The following ALMS1 variants were observed in gnomAD, a reference collection of about 807,000 sequenced individuals.
ALMS1 encodes centrosome-associated protein ALMS1.
ALMS1 carries 271 observed loss-of-function variants against 352.2 expected under a neutral mutation model. That is an observed-to-expected ratio of 0.77 (90% CI 0.70 to 0.85). The LOEUF (loss-of-function observed/expected upper bound fraction) is 0.85. Ranked by LOEUF, ALMS1 falls within the 40% of genes least tolerant of loss-of-function variation. The pLI, the probability that ALMS1 is intolerant of heterozygous loss-of-function variation, is 0.00. For missense variants in ALMS1, 5,445 were observed against 4,870.7 expected (o/e 1.12, Z -3.51); for synonymous variants, 1,865 against 1,761.2 (o/e 1.06, Z -1.48).
At chr2:73,506,272 C>A (rs1010699052) in intron 10 of ALMS1, among the ~76,000 whole-genome samples, 1 of 152,134 alleles carries the variant, frequency 6.6e-6, no homozygotes, top group African/African-American at 2.4e-5. Context: ...GCTATACGGG[C>A]TCTTTTTTGG....
intron 9 of ALMS1, among the ~76,000 whole-genome samples, chr2:73,474,397 G>GTT (rs1435955838): frequency 4.9e-4 from 33 of 67,414 alleles, no homozygotes; most frequent in Non-Finnish European, 8.8e-4. Flanking sequence ...GTGTGTGTGT[G>GTT]TGTGTGTGTG....
intron 22 of ALMS1, among the ~76,000 whole-genome samples, chr2:73,608,973 A>G (rs1675882854): frequency 6.6e-6 from 1 of 152,224 alleles, no homozygotes; most frequent in African/African-American, 2.4e-5. Flanking sequence ...ACTGCGGCAT[A>G]AGAGTTGTCC....
rs2103791762 is a variant in ALMS1, at chr2:73,453,391, T to G, written c.6864T>G (p.Asp2288Glu). Reference sequence around the variant, plus strand: ...CTGCTCCCCTTGCCCGTTTCAGAGATATTAGTGATATTTCATTTATACAAT... The same window carrying G: ...CTGCTCCCCTTGCCCGTTTCAGAGAGATTAGTGATATTTCATTTATACAAT... ...NFPAPLARFR[D>E]ISDISFIQSK... The change falls in exon 8 of 23, where the codon GAT becomes GAG. Residue 2288 changes from aspartate (D) to glutamate (E), a missense_variant. Transcript: ENST00000613296. 1 of 1,613,920 alleles carries G rather than the reference T, an allele frequency of 6.2e-7. No individual in the cohort carries two copies. Among genetic ancestry groups the G allele is most frequent in the Middle Eastern group, 1.6e-4 (1 of 6,062 alleles).
In ALMS1 at chr2:73,432,241, T is replaced by C. The variant is rs780562456; in HGVS notation, c.1382T>C (p.Leu461Ser). 2 of 1,613,730 alleles carry C rather than the reference T, an allele frequency of 1.2e-6. No homozygotes were observed. Among genetic ancestry groups the C allele is most frequent in the Admixed American group, 1.7e-5 (1 of 60,024 alleles). The change falls in exon 7 of 23, where the codon TTG becomes TCG. Residue 461 changes from leucine (L) to serine (S), a missense_variant. Transcript: ENST00000613296. ...TATCACTCTTCAGATCTCAGAATGTTGAGGATGTCTCCTGACACTGTGCCA... is the reference window on the plus strand; with the variant it reads ...TATCACTCTTCAGATCTCAGAATGTCGAGGATGTCTCCTGACACTGTGCCA... ...SEYHSSDLRM[L>S]RMSPDTVPKA...
chr2:73,569,118 A>G (rs994091178), intron 15 of ALMS1, among the ~76,000 whole-genome samples: 6 of 142,660 alleles, frequency 4.2e-5, no homozygotes, highest in Non-Finnish European at 6.0e-5. Flanking sequence ...GGATTTAAGC[A>G]GTTCTCCTTC....
intron 10 of ALMS1, among the ~76,000 whole-genome samples, chr2:73,506,624 G>A (rs1177455214): frequency 6.6e-6 from 1 of 152,160 alleles, no homozygotes; most frequent in African/African-American, 2.4e-5. Flanking sequence ...TTTGCACATT[G>A]ATTTTGTATC....
intron 21 of ALMS1, among the ~76,000 whole-genome samples, chr2:73,606,016 T>C (rs1675809433): frequency 6.6e-6 from 1 of 152,164 alleles, no homozygotes; most frequent in Non-Finnish European, 1.5e-5. Flanking sequence ...CAGAGCAGGT[T>C]GGGACAGCAG....
At position 73,424,747 on chromosome 2, in the gene ALMS1, T is replaced by G; in HGVS notation, c.1082T>G (p.Leu361Ter). 6.2e-7 allele frequency: 1 copy of G among 1,614,034 alleles called. No individual in the cohort carries two copies. Among genetic ancestry groups the G allele is most frequent in the Non-Finnish European group, 8.5e-7 (1 of 1,179,934 alleles). The change falls in exon 5 of 23, where the codon TTA becomes TGA. Residue 361 changes from leucine to a stop codon, truncating the protein, a stop_gained. Coordinates refer to ENST00000613296, the MANE Select transcript of ALMS1 (RefSeq NM_001378454.1). LOFTEE classifies it high-confidence loss of function. ...GATACACAGTGGCCTGAAAACAATT[T>G]AGCTGATAAAGATCAAGTTTCAGTT... is the stretch of plus-strand genomic sequence containing the variant. ...RKDTQWPENNLADKDQVSVAT... is the reference protein window; with the variant it reads ...RKDTQWPENN
intron 7 of ALMS1, among the ~76,000 whole-genome samples, chr2:73,445,506 A>G (rs927362636): frequency 2.6e-5 from 4 of 152,180 alleles, no homozygotes; most frequent in South Asian, 2.1e-4. Flanking sequence ...TGGAACGATT[A>G]CTAGTAAGAG....
chr2:73,534,448 A>G (rs1242132219), intron 11 of ALMS1, among the ~76,000 whole-genome samples: 2 of 152,126 alleles, frequency 1.3e-5, no homozygotes, highest in Admixed American at 1.3e-4. Flanking sequence ...AGAGTCATCT[A>G]TATATGGAAT....
intron 11 of ALMS1, among the ~76,000 whole-genome samples, chr2:73,526,726 T>A (rs1673798929): frequency 6.6e-6 from 1 of 152,196 alleles, no homozygotes; most frequent in South Asian, 2.1e-4. Context: ...CAAGGATAAT[T>A]TGACTTCTTC....
At chr2:73,466,309 A>G (rs1215338029) in intron 9 of ALMS1, among the ~76,000 whole-genome samples, 1 of 152,098 alleles carries the variant, frequency 6.6e-6, no homozygotes, top group Non-Finnish European at 1.5e-5. Context: ...CAGCCATAAA[A>G]AATGATGAGT....
chr2:73,593,466 G>A (rs1000166871), intron 16 of ALMS1, among the ~76,000 whole-genome samples: 4 of 152,014 alleles, frequency 2.6e-5, no homozygotes, highest in South Asian at 2.1e-4. Context: ...TTCTGATTTC[G>A]GTAACATAGG....
At chr2:73,417,525 G>A (rs10208736) in intron 2 of ALMS1, among the ~76,000 whole-genome samples, 240 of 152,160 alleles carry the variant, frequency 1.6e-3, no homozygotes, top group African/African-American at 2.9e-3. Context: ...ACATTTAAAC[G>A]TCTGATCTAC....
At position 73,421,954 on chromosome 2, in the gene ALMS1, T is replaced by C. The variant is rs575011461; in HGVS notation, c.647-903T>C. On this transcript the variant is annotated intron_variant, in intron 3 of 22. Coordinates refer to ENST00000613296, the MANE Select transcript of ALMS1 (RefSeq NM_001378454.1). ...GTCAACATTCAGGAAATCACAAGAA[T>C]TTTTTTTTCATTAAAGCAGCAGTTC... is the stretch of plus-strand genomic sequence containing the variant. Among the ~76,000 whole-genome samples the C allele has an allele frequency of 1.3e-3, 203 of 151,760 alleles. 1 individual carries two copies. The highest frequency in any genetic ancestry group is 4.7e-3 in the African/African-American group (194 of 41,380).
At position 73,448,655 on chromosome 2, in the gene ALMS1, A is replaced by G. The variant is rs367641723; in HGVS notation, c.2128A>G (p.Thr710Ala). The change falls in exon 8 of 23, where the codon ACA (threonine) becomes GCA (alanine). Residue 710 changes from threonine (T) to alanine (A), a missense_variant. Physicochemically the swap from Thr to Ala is moderately conservative, Grantham distance 58. Coordinates refer to ENST00000613296, the MANE Select transcript of ALMS1 (RefSeq NM_001378454.1). Reference protein sequence around the residue: ...GPADQKTGTATVLSTPHSHRE... With the variant: ...GPADQKTGTAAVLSTPHSHRE... ...AGCTGACCAGAAGACTGGGACAGCA[A>G]CAGTACTCTCTACTCCCCACTCACA... The G allele has an allele frequency of 1.2e-5, 20 of 1,613,484 alleles. No individual in the cohort carries two copies. The highest frequency in any genetic ancestry group is 3.3e-5 in the South Asian group (3 of 91,026).
chr2:73,468,724 T>A (rs1317791517), intron 9 of ALMS1, among the ~76,000 whole-genome samples: 1 of 152,022 alleles, frequency 6.6e-6, no homozygotes, highest in Non-Finnish European at 1.5e-5. Flanking sequence ...TTTTGTAAAG[T>A]GAGTCTGTTG....
At chr2:73,558,851 A>T in intron 14 of ALMS1, 121 bp from the exon 15 acceptor site, 1 of 1,074,356 alleles carries the variant, frequency 9.3e-7, no homozygotes, top group African/African-American at 1.6e-5. Flanking sequence ...CGCATTTCTG[A>T]GTCATCTTTT....
At chr2:73,516,373 G>A (rs945619614) in intron 10 of ALMS1, among the ~76,000 whole-genome samples, 1 of 152,098 alleles carries the variant, frequency 6.6e-6, no homozygotes, top group African/African-American at 2.4e-5. Flanking sequence ...TCAGCCACTG[G>A]GGAAAACTGT....
Sources: allele counts gnomAD v4.1 joint callset (sites outside exome capture counted in the v4.1 genomes callset), GRCh38; gene constraint gnomAD v4.1.1; transcripts MANE v1.5; gene names NCBI Gene and HGNC (gene_info 2026-07-23, HGNC 2026-07-21).